CWF19L2: variants seen among roughly 807,000 people sequenced by gnomAD.
The protein encoded by CWF19L2 is CWF19 like cell cycle control factor 2.
Under a neutral mutation model 111.7 loss-of-function variants are expected in CWF19L2, and 98 were observed. The ratio of observed to expected loss-of-function variants is 0.88; its 90% CI spans 0.75 to 1.04. The LOEUF is 1.04. Among genes scored for constraint, CWF19L2 ranks in the 50% least tolerant of loss-of-function variants. The pLI is 0.00. For missense variants in CWF19L2, 1,101 were observed against 1,051.4 expected (o/e 1.05, Z -0.65); for synonymous variants, 351 against 342.9 (o/e 1.02, Z -0.26).
At chr11:107,401,531 CA>C (rs1860999842) in intron 10 of CWF19L2, among the ~76,000 whole-genome samples, 2 of 151,690 alleles carry the variant, frequency 1.3e-5, no homozygotes, top group Admixed American at 6.6e-5. Flanking sequence ...ACAAAAGAGT[CA>C]AAAGGCCTCT....
intron 5 of CWF19L2, among the ~76,000 whole-genome samples, chr11:107,440,269 G>A (rs190584699): frequency 2.6e-5 from 4 of 152,240 alleles, no homozygotes; most frequent in African/African-American, 7.2e-5. Context: ...GAAATGGAAC[G>A]AGCTAAATGT....
At chr11:107,387,766 T>C (rs929698727) in intron 12 of CWF19L2, among the ~76,000 whole-genome samples, 2 of 152,172 alleles carry the variant, frequency 1.3e-5, no homozygotes, top group African/African-American at 4.8e-5. Flanking sequence ...GAGAATCTTG[T>C]CGCTGATCTG....
At chr11:107,347,735 T>C (rs968309110) in intron 14 of CWF19L2, among the ~76,000 whole-genome samples, 1 of 152,198 alleles carries the variant, frequency 6.6e-6, no homozygotes, top group Non-Finnish European at 1.5e-5. Flanking sequence ...ACCTAAAATA[T>C]TATATTTGTG....
At chr11:107,329,555 C>G (rs867072373) in intron 17 of CWF19L2, among the ~76,000 whole-genome samples, 2 of 152,136 alleles carry the variant, frequency 1.3e-5, no homozygotes, top group African/African-American at 4.8e-5. Flanking sequence ...AATATCCACA[C>G]AATAGGATTA....
chr11:107,374,029 G>A (rs1860557105), intron 12 of CWF19L2, among the ~76,000 whole-genome samples: 1 of 137,118 alleles, frequency 7.3e-6, no homozygotes, highest in Non-Finnish European at 1.6e-5. Context: ...AGCAATGGAA[G>A]ATGAACTGAA....
At chr11:107,452,821 T>A (rs1049051646) in intron 3 of CWF19L2, among the ~76,000 whole-genome samples, 1 of 152,062 alleles carries the variant, frequency 6.6e-6, no homozygotes. Context: ...TAAGACTCCA[T>A]GTCTACAAAA....
At chr11:107,428,371 G>A (rs745655736) in intron 8 of CWF19L2, among the ~76,000 whole-genome samples, 6 of 151,932 alleles carry the variant, frequency 3.9e-5, no homozygotes, top group African/African-American at 9.7e-5. Flanking sequence ...TATTTGGGCC[G>A]TGGCAGCGTG....
chr11:107,331,673 C>T (rs974796224), intron 16 of CWF19L2, among the ~76,000 whole-genome samples: 3 of 152,146 alleles, frequency 2.0e-5, no homozygotes, highest in Admixed American at 1.3e-4. Flanking sequence ...AAATCTATGG[C>T]GTTTTAGGCC....
intron 5 of CWF19L2, 122 bp from the exon 6 acceptor site, chr11:107,439,305 C>A: frequency 1.6e-6 from 1 of 629,674 alleles, no homozygotes; most frequent in Non-Finnish European, 2.7e-6. Context: ...TTAAAACATT[C>A]TTAAGATATG....
At chr11:107,391,066 T>G (rs1477180519) in intron 11 of CWF19L2, among the ~76,000 whole-genome samples, 1 of 152,176 alleles carries the variant, frequency 6.6e-6, no homozygotes, top group East Asian at 1.9e-4. Context: ...TTGCCAGGGA[T>G]TCTCGGGCCT....
chr11:107,371,719 C>T (rs1198580948), intron 12 of CWF19L2, among the ~76,000 whole-genome samples: 1 of 137,408 alleles, frequency 7.3e-6, no homozygotes, highest in Non-Finnish European at 1.6e-5. Flanking sequence ...CAGGATCTGA[C>T]TGCCCCTGTA....
chr11:107,456,979 A>G (rs1861864515), intron 1 of CWF19L2, among the ~76,000 whole-genome samples: 1 of 152,184 alleles, frequency 6.6e-6, no homozygotes, highest in Admixed American at 6.5e-5. Flanking sequence ...ACTTGTTTAA[A>G]ACTCTTCCAA....
intron 12 of CWF19L2, among the ~76,000 whole-genome samples, chr11:107,379,849 G>A (rs1318592694): frequency 6.6e-6 from 1 of 151,882 alleles, no homozygotes; most frequent in African/African-American, 2.4e-5. Context: ...CACGAGCTCA[G>A]GAGATTGAGA....
chr11:107,345,334 A>G, intron 14 of CWF19L2: 1 of 324,414 alleles, frequency 3.1e-6, no homozygotes, highest in South Asian at 2.7e-5. Flanking sequence ...TTGTAACCCA[A>G]ACTTTTTCAA....
chr11:107,385,401 A>T (rs77080592), intron 12 of CWF19L2, among the ~76,000 whole-genome samples: 2,644 of 152,288 alleles, frequency 0.017, 59 homozygotes, highest in African/African-American at 0.059. Flanking sequence ...ATTCAATAAT[A>T]TATAAATTGA....
chr11:107,439,271 T>C (rs980753897), intron 5 of CWF19L2, 88 bp from the exon 6 acceptor site: 4 of 746,618 alleles, frequency 5.4e-6, no homozygotes, highest in East Asian at 2.7e-5. Context: ...ACCCAGTTAA[T>C]AGTCATAACC....
At chr11:107,392,115 G>A (rs75206011) in intron 11 of CWF19L2, among the ~76,000 whole-genome samples, 1,966 of 152,180 alleles carry the variant, frequency 0.013, 23 homozygotes, top group Middle Eastern at 0.037. Flanking sequence ...TTTGTTGGAT[G>A]AATTAATTAG....
chr11:107,361,888 A>C (rs1285078831), intron 12 of CWF19L2, among the ~76,000 whole-genome samples: 1 of 152,102 alleles, frequency 6.6e-6, no homozygotes, highest in Non-Finnish European at 1.5e-5. Context: ...AAGACGGGTG[A>C]TTTGTGCATT....
At chr11:107,347,903 G>T (rs1402132951) in intron 14 of CWF19L2, among the ~76,000 whole-genome samples, 2 of 152,006 alleles carry the variant, frequency 1.3e-5, no homozygotes, top group African/African-American at 4.8e-5. Context: ...AATTAAATCA[G>T]TTTTATATGT....
Sources: allele counts gnomAD v4.1 joint callset (sites outside exome capture counted in the v4.1 genomes callset), GRCh38; gene constraint gnomAD v4.1.1; transcripts MANE v1.5; gene names NCBI Gene and HGNC (gene_info 2026-07-23, HGNC 2026-07-21).